Variants in FGF2 observed in about 807,000 individuals in gnomAD.
FGF2 encodes the protein fibroblast growth factor 2, also known as basic fibroblast growth factor bFGF.
Under a neutral mutation model 15.9 loss-of-function variants are expected in FGF2, and 13 were observed. The ratio of observed to expected loss-of-function variants is 0.82; its 90% CI spans 0.53 to 1.30. The LOEUF (loss-of-function observed/expected upper bound fraction) is 1.30, where lower values mean the gene tolerates loss of function less well. Ranked by LOEUF, FGF2 falls within the 50% of genes most tolerant of loss-of-function variation. The pLI is 0.00. For synonymous variants in FGF2, 90 were observed against 78.4 expected (o/e 1.15, Z -0.78); for missense variants, 163 against 196.9 (o/e 0.83, Z 1.03).
intron 1 of FGF2, among the ~76,000 whole-genome samples, chr4:122,835,164 G>C (rs1725838300): frequency 6.6e-6 from 1 of 152,152 alleles, no homozygotes; most frequent in East Asian, 1.9e-4. Flanking sequence ...ATGAGCTGTG[G>C]ATGAGATTGG....
chr4:122,857,891 T>C (rs903587711), intron 1 of FGF2, among the ~76,000 whole-genome samples: 3 of 152,230 alleles, frequency 2.0e-5, no homozygotes, highest in Non-Finnish European at 4.4e-5. Context: ...TGTCATCATC[T>C]ACAATCTTAA....
chr4:122,866,407 C>G (rs550125956), intron 1 of FGF2, among the ~76,000 whole-genome samples: 2 of 152,084 alleles, frequency 1.3e-5, no homozygotes, highest in African/African-American at 4.8e-5. Flanking sequence ...GAAAAGATAC[C>G]CCACAGGATG....
intron 1 of FGF2, among the ~76,000 whole-genome samples, chr4:122,842,159 G>C (rs1375406206): frequency 2.0e-5 from 3 of 152,200 alleles, no homozygotes; most frequent in African/African-American, 7.2e-5. Context: ...AGGTAGGACA[G>C]ACAGCAGAAC....
At chr4:122,862,805 C>T (rs966599730) in intron 1 of FGF2, among the ~76,000 whole-genome samples, 1 of 152,148 alleles carries the variant, frequency 6.6e-6, no homozygotes, top group Non-Finnish European at 1.5e-5. Context: ...GAATTTAAAG[C>T]TTGGATAACA....
intron 1 of FGF2, among the ~76,000 whole-genome samples, chr4:122,843,482 G>A (rs1248051669): frequency 6.6e-6 from 1 of 152,188 alleles, no homozygotes; most frequent in Admixed American, 6.5e-5. Flanking sequence ...TTAAATTTGG[G>A]CTTTGATGAG....
At chr4:122,891,029 TTTTTTTG>T (rs1727166212) in intron 2 of FGF2, among the ~76,000 whole-genome samples, 3 of 135,042 alleles carry the variant, frequency 2.2e-5, no homozygotes, top group South Asian at 5.9e-4. Context: ...ATCTTTTTTT[TTTTTTTG>T]TTTTGTTTTG....
chr4:122,834,098 A>G (rs114209097), intron 1 of FGF2, among the ~76,000 whole-genome samples: 194 of 152,322 alleles, frequency 1.3e-3, no homozygotes, highest in African/African-American at 4.4e-3. Flanking sequence ...AGAAAAAAGG[A>G]AAAACAACAC....
intron 1 of FGF2, among the ~76,000 whole-genome samples, chr4:122,853,330 C>T (rs1318134627): frequency 1.3e-5 from 2 of 152,092 alleles, no homozygotes; most frequent in African/African-American, 4.8e-5. Flanking sequence ...AAAATAAAAA[C>T]TATTTTTTAC....
Position 122,894,014 on chromosome 4 carries a change from G to A in FGF2, c.*1618G>A, listed in dbSNP as rs1470209229. 1 of 152,208 alleles carries A rather than the reference G, an allele frequency of 6.6e-6. No homozygotes were observed. The highest frequency in any genetic ancestry group is 1.9e-4 in the East Asian group (1 of 5,202). 9.4% of individuals were successfully genotyped at this position (152,208 alleles called of 1,614,324 possible). A position where few individuals can be genotyped will look rare whatever the true frequency, so the allele number is the denominator to read the frequency against. On this transcript the variant is annotated 3_prime_UTR_variant, in exon 3 of 3. Transcript: ENST00000644866. The stretch of plus-strand genomic sequence containing the variant: ...ATAGTAAATGATATTTGCCCTTGCA[G>A]TAATTCTACTGGTGAAAAACATGCA...
chr4:122,841,297 A>T (rs1725979087), intron 1 of FGF2, among the ~76,000 whole-genome samples: 1 of 152,302 alleles, frequency 6.6e-6, no homozygotes, highest in African/African-American at 2.4e-5. Context: ...TAAAATATTT[A>T]CTTCCTGGCC....
intron 1 of FGF2, among the ~76,000 whole-genome samples, chr4:122,835,536 A>G (rs1725849751): frequency 6.6e-6 from 1 of 151,344 alleles, no homozygotes; most frequent in South Asian, 2.1e-4. Flanking sequence ...ACTTAACACC[A>G]TTTTCTCAAA....
intron 1 of FGF2, among the ~76,000 whole-genome samples, chr4:122,847,235 T>C (rs1051995671): frequency 8.5e-5 from 13 of 152,322 alleles, no homozygotes; most frequent in South Asian, 4.1e-4. Flanking sequence ...TTTTCTAAGG[T>C]GAGAGAATTA....
chr4:122,860,337 C>T (rs910424254), intron 1 of FGF2, among the ~76,000 whole-genome samples: 1 of 151,604 alleles, frequency 6.6e-6, no homozygotes, highest in Non-Finnish European at 1.5e-5. Context: ...GTATGTTCTC[C>T]TAACTTTAAA....
chr4:122,835,113 T>C (rs1301897424), intron 1 of FGF2, among the ~76,000 whole-genome samples: 3 of 152,188 alleles, frequency 2.0e-5, no homozygotes, highest in Non-Finnish European at 4.4e-5. Flanking sequence ...ATAGCAATCC[T>C]CACCCTTTCC....
intron 1 of FGF2, among the ~76,000 whole-genome samples, chr4:122,867,223 A>G (rs751343518): frequency 6.6e-6 from 1 of 152,368 alleles, no homozygotes; most frequent in South Asian, 2.1e-4. Flanking sequence ...TGGTTGCCCA[A>G]TGCTGTGATT....
chr4:122,880,907 G>T (rs1202901451), intron 2 of FGF2, among the ~76,000 whole-genome samples: 1 of 152,196 alleles, frequency 6.6e-6, no homozygotes, highest in African/African-American at 2.4e-5. Context: ...CCAACCCTGC[G>T]CAAACTTCTG....
At chr4:122,888,250 A>C (rs1335904669) in intron 2 of FGF2, among the ~76,000 whole-genome samples, 1 of 152,154 alleles carries the variant, frequency 6.6e-6, no homozygotes, top group African/African-American at 2.4e-5. Flanking sequence ...CTACCTTCAA[A>C]ATATGTACAA....
rs183060480 is a variant in FGF2, at chr4:122,827,318, A to C, written c.144A>C (p.Arg48=). The change falls in exon 1 of 3, where the codon CGA becomes CGC. Residue 48 remains arginine, a synonymous_variant. Coordinates refer to ENST00000644866, the MANE Select transcript of FGF2 (RefSeq NM_001361665.2). The surrounding 1 kb of genome is among the most constrained non-coding windows in gnomAD (Gnocchi z 4.2). ...GFFLRIHPDG[R]VDGVREKSDP... is the part of the protein sequence containing the mutation. ...TCCTGCGCATCCACCCCGACGGCCG[A>C]GTTGACGGGGTCCGGGAGAAGAGCG... The C allele has an allele frequency of 5.6e-6, 9 of 1,612,802 alleles. No individual in the cohort carries two copies. In the Admixed American group the frequency reaches 8.3e-5, roughly 15 times the overall value.
intron 1 of FGF2, among the ~76,000 whole-genome samples, chr4:122,850,463 T>C (rs1181037544): frequency 6.6e-6 from 1 of 152,114 alleles, no homozygotes; most frequent in African/African-American, 2.4e-5. Context: ...AGAAATAACA[T>C]TGAGCGATGG....
Sources: gnomAD v4.1 joint callset for allele counts (sites outside exome capture counted in the v4.1 genomes callset) on GRCh38, gnomAD v4.1.1 for gene constraint, Gnocchi (gnomAD v3.1) non-coding constraint, MANE v1.5 for transcripts, NCBI Gene and HGNC (gene_info 2026-07-23, HGNC 2026-07-21) for gene names.